PTPRD: variants seen among roughly 807,000 people sequenced by gnomAD.
PTPRD encodes the protein protein tyrosine phosphatase receptor type D.
PTPRD carries 34 observed loss-of-function variants against 214.5 expected under a neutral mutation model. The ratio of observed to expected loss-of-function variants is 0.16; its 90% CI spans 0.12 to 0.21. PTPRD has a LOEUF of 0.21. PTPRD is among the 10% of genes least tolerant of loss of function. The probability of loss-of-function intolerance (pLI) is 1.00; values close to 1 mark genes in which losing one functional copy is unlikely to be tolerated. For missense variants in PTPRD, 2,545 were observed against 2,398.7 expected (o/e 1.06, Z -1.27); for synonymous variants, 1,128 against 845.7 (o/e 1.33, Z -5.79).
At chr9:10,371,742 C>A (rs1598351012) in intron 2 of PTPRD, among the ~76,000 whole-genome samples, 1 of 152,030 alleles carries the variant, frequency 6.6e-6, no homozygotes, top group South Asian at 2.1e-4. Context: ...GGAAATTGAT[C>A]ATTTACATGA....
intron 11 of PTPRD, among the ~76,000 whole-genome samples, chr9:8,966,702 G>T (rs1038065812): frequency 6.6e-5 from 10 of 151,890 alleles, no homozygotes; most frequent in South Asian, 2.1e-4. Context: ...CCTTGGAAAA[G>T]AATTTATTAC....
intron 7 of PTPRD, among the ~76,000 whole-genome samples, chr9:9,648,035 T>C (rs151270237): frequency 6.6e-5 from 10 of 152,262 alleles, no homozygotes; most frequent in Admixed American, 6.5e-4. Flanking sequence ...GTCTTTGCCA[T>C]TTTTCTGCTA....
At chr9:9,222,013 T>C (rs913103150) in intron 9 of PTPRD, among the ~76,000 whole-genome samples, 3 of 152,080 alleles carry the variant, frequency 2.0e-5, no homozygotes, top group Non-Finnish European at 2.9e-5. Context: ...GTTATAAAAT[T>C]CATAATAAAA....
intron 9 of PTPRD, among the ~76,000 whole-genome samples, chr9:9,229,557 G>T (rs1594092340): frequency 6.6e-6 from 1 of 152,190 alleles, no homozygotes; most frequent in Admixed American, 6.6e-5. Flanking sequence ...AATGTTGAGA[G>T]AAAACTTATG....
chr9:8,761,987 T>C (rs2094443072), intron 11 of PTPRD, among the ~76,000 whole-genome samples: 1 of 152,138 alleles, frequency 6.6e-6, no homozygotes, highest in Non-Finnish European at 1.5e-5. Flanking sequence ...TAAACTCAGA[T>C]GCCCAATTTA....
At chr9:9,765,665 G>A (rs978452181) in intron 6 of PTPRD, among the ~76,000 whole-genome samples, 2 of 151,980 alleles carry the variant, frequency 1.3e-5, no homozygotes, top group African/African-American at 4.8e-5. Context: ...TCTTTTATTC[G>A]TTTATTTATT....
At chr9:9,574,075 A>T (rs1463045319) in intron 8 of PTPRD, among the ~76,000 whole-genome samples, 2 of 151,876 alleles carry the variant, frequency 1.3e-5, no homozygotes, top group African/African-American at 4.8e-5. Flanking sequence ...AAACTCTGAA[A>T]GTTGGCTTAG....
chr9:8,376,502 T>G, intron 38 of PTPRD, 105 bp downstream of exon 38: 12 of 1,511,582 alleles, frequency 7.9e-6, no homozygotes, highest in Non-Finnish European at 1.0e-5. Context: ...CTGTTGCCAT[T>G]GAGATCAAGA....
chr9:9,490,630 G>A (rs1371249648), intron 8 of PTPRD, among the ~76,000 whole-genome samples: 1 of 151,948 alleles, frequency 6.6e-6, no homozygotes, highest in Non-Finnish European at 1.5e-5. Context: ...ACTTTTCTAT[G>A]TCATGAAGTT....
At chr9:9,115,873 T>C (rs559557404) in intron 10 of PTPRD, among the ~76,000 whole-genome samples, 1 of 152,316 alleles carries the variant, frequency 6.6e-6, no homozygotes, top group African/African-American at 2.4e-5. Context: ...ATACCCATCA[T>C]GGAATACTAC....
intron 8 of PTPRD, among the ~76,000 whole-genome samples, chr9:9,424,712 C>G (rs1382787002): frequency 1.3e-5 from 2 of 152,168 alleles, no homozygotes; most frequent in Non-Finnish European, 2.9e-5. Context: ...GTCTATCTAG[C>G]CTGAAGAATC....
At chr9:8,757,683 TAC>T (rs2094121312) in intron 11 of PTPRD, among the ~76,000 whole-genome samples, 13 of 148,244 alleles carry the variant, frequency 8.8e-5, no homozygotes, top group African/African-American at 1.5e-4. Flanking sequence ...TATATATATA[TAC>T]ATAAAAACAT....
chr9:10,465,427 C>T lies in PTPRD; in HGVS notation c.-599-124410G>A, dbSNP rs541715528. 1.4e-4 allele frequency among the ~76,000 whole-genome samples: 21 copies of T among 152,230 alleles called. No homozygotes were observed. In the South Asian group the frequency reaches 3.9e-3, roughly 29 times the overall value. ...TGGGGTCGCTCTATTAATACCATAT[C>T]ACTATAGTAAATATATAGGCTTACC... On this transcript the variant is annotated intron_variant, in intron 2 of 45. Transcript: ENST00000381196.
intron 2 of PTPRD, among the ~76,000 whole-genome samples, chr9:10,530,553 C>T (rs1214172479): frequency 6.6e-6 from 1 of 152,054 alleles, no homozygotes; most frequent in Non-Finnish European, 1.5e-5. Context: ...AGTAACTGAT[C>T]CCAGTGCTGA....
At chr9:8,585,064 A>G (rs979278303) in intron 14 of PTPRD, among the ~76,000 whole-genome samples, 1 of 152,138 alleles carries the variant, frequency 6.6e-6, no homozygotes, top group Non-Finnish European at 1.5e-5. Flanking sequence ...ATTCAAGATG[A>G]GATTTGGAAG....
chr9:8,547,592 G>A (rs559436804), intron 14 of PTPRD, among the ~76,000 whole-genome samples: 4 of 149,748 alleles, frequency 2.7e-5, no homozygotes, highest in Admixed American at 6.7e-5. Flanking sequence ...ACAGTGAGCC[G>A]TGTTCACACC....
intron 39 of PTPRD, among the ~76,000 whole-genome samples, chr9:8,351,924 T>C (rs932898411): frequency 1.3e-5 from 2 of 152,040 alleles, no homozygotes; most frequent in African/African-American, 4.8e-5. Context: ...AACTGCCTGA[T>C]AAGGATCCTT....
intron 2 of PTPRD, among the ~76,000 whole-genome samples, chr9:10,403,728 T>G (rs752284777): frequency 4.0e-5 from 6 of 151,634 alleles, no homozygotes; most frequent in Non-Finnish European, 8.8e-5. Context: ...TGCATAATAC[T>G]AAGTGAAAGC....
intron 4 of PTPRD, among the ~76,000 whole-genome samples, chr9:9,995,543 C>A (rs1172572414): frequency 3.3e-5 from 5 of 152,132 alleles, no homozygotes; most frequent in Admixed American, 1.3e-4. Context: ...ACTCTGTATC[C>A]TGAGATTGCT....
Sources: gnomAD v4.1 joint callset for allele counts (sites outside exome capture counted in the v4.1 genomes callset) on GRCh38, gnomAD v4.1.1 for gene constraint, MANE v1.5 for transcripts, NCBI Gene and HGNC (gene_info 2026-07-23, HGNC 2026-07-21) for gene names.